Variants in CRACR2A observed in about 807,000 individuals in gnomAD.
CRACR2A encodes EF-hand calcium-binding domain-containing protein 4B.
CRACR2A carries 79 observed loss-of-function variants against 90.5 expected under a neutral mutation model. The observed-to-expected ratio is 0.87, with a 90% CI of 0.73 to 1.05. CRACR2A has a LOEUF of 1.05. CRACR2A is among the 50% of genes least tolerant of loss of function. CRACR2A has a pLI of 0.00. For missense variants in CRACR2A, 823 were observed against 897.2 expected (o/e 0.92, Z 1.06); for synonymous variants, 338 against 356.7 (o/e 0.95, Z 0.59).
Position 3,639,704 on chromosome 12 carries a change from G to A in CRACR2A, c.1272-1250C>T, listed in dbSNP as rs142864754. On this transcript the variant is annotated intron_variant, in intron 13 of 19. Coordinates refer to ENST00000440314, the MANE Select transcript of CRACR2A (RefSeq NM_001144958.2). ...GTATCACCATCCTGAAATTAACTGC[G>A]ATTCTGCAAGATAAATTACGATATA... Among the ~76,000 whole-genome samples the A allele has an allele frequency of 3.9e-3, 592 of 152,226 alleles. 5 individuals carry two copies. The highest frequency in any genetic ancestry group is 0.013 in the African/African-American group (541 of 41,546).
chr12:3,724,201 G>A (rs1295487790), intron 2 of CRACR2A, among the ~76,000 whole-genome samples: 1 of 152,144 alleles, frequency 6.6e-6, no homozygotes, highest in African/African-American at 2.4e-5. Context: ...TGAGCTCTCT[G>A]CTCCCAGAGT....
chr12:3,741,232 T>G (rs1946521010), intron 1 of CRACR2A, among the ~76,000 whole-genome samples: 2 of 152,176 alleles, frequency 1.3e-5, no homozygotes, highest in South Asian at 4.1e-4. Flanking sequence ...AGGGTCCCAG[T>G]CAGCCTGGAC....
intron 3 of CRACR2A, among the ~76,000 whole-genome samples, chr12:3,706,624 G>A (rs1224707028): frequency 3.9e-5 from 6 of 152,132 alleles, no homozygotes; most frequent in Middle Eastern, 3.2e-3. Context: ...ATTTAGAGAC[G>A]GAGTCTCACT....
intron 10 of CRACR2A, 101 bp from the exon 11 acceptor site, chr12:3,648,714 G>C: frequency 1.4e-6 from 2 of 1,477,750 alleles, no homozygotes; most frequent in Non-Finnish European, 1.8e-6. Flanking sequence ...GCTGGGGATG[G>C]AGGGCATTGG....
intron 2 of CRACR2A, among the ~76,000 whole-genome samples, chr12:3,718,806 T>A (rs1000970663): frequency 5.3e-5 from 8 of 152,190 alleles, no homozygotes; most frequent in Non-Finnish European, 8.8e-5. Flanking sequence ...AAGGCAGGTG[T>A]CTCTTTGGTT....
chr12:3,621,272 T>C (rs1944123623), intron 17 of CRACR2A, among the ~76,000 whole-genome samples: 1 of 152,056 alleles, frequency 6.6e-6, no homozygotes, highest in Non-Finnish European at 1.5e-5. Context: ...GAGGGGATGA[T>C]GGATACTGAA....
intron 4 of CRACR2A, among the ~76,000 whole-genome samples, chr12:3,689,721 A>C (rs1207677940): frequency 2.6e-5 from 4 of 151,802 alleles, no homozygotes; most frequent in African/African-American, 9.7e-5. Flanking sequence ...TGAGTTAGAG[A>C]GGAATCTCTC....
At chr12:3,688,512 T>C (rs1478278074) in intron 4 of CRACR2A, among the ~76,000 whole-genome samples, 1 of 152,186 alleles carries the variant, frequency 6.6e-6, no homozygotes, top group African/African-American at 2.4e-5. Context: ...TGTGCAGCCT[T>C]ATTTCTGGGC....
chr12:3,641,894 A>G, intron 12 of CRACR2A, 56 bp from the exon 13 acceptor site: 3 of 1,468,890 alleles, frequency 2.0e-6, no homozygotes, highest in Non-Finnish European at 2.8e-6. Flanking sequence ...ATGTTTGAAC[A>G]GAAAAGGGCT....
chr12:3,641,044 C>A (rs1210379527), intron 13 of CRACR2A, among the ~76,000 whole-genome samples: 2 of 152,136 alleles, frequency 1.3e-5, no homozygotes, highest in African/African-American at 4.8e-5. Flanking sequence ...TAGTCATGTT[C>A]CTAAAAAACC....
At chr12:3,750,971 C>G (rs1339712693) in intron 1 of CRACR2A, among the ~76,000 whole-genome samples, 1 of 152,248 alleles carries the variant, frequency 6.6e-6, no homozygotes, top group East Asian at 1.9e-4. Flanking sequence ...GCATCACCAG[C>G]CACTCTAACT....
At chr12:3,653,260 C>T (rs1378082909) in intron 10 of CRACR2A, among the ~76,000 whole-genome samples, 2 of 152,172 alleles carry the variant, frequency 1.3e-5, no homozygotes, top group East Asian at 1.9e-4. Context: ...GGATTACAGG[C>T]GTGAGCCACC....
At chr12:3,682,337 C>T (rs559821598) in intron 4 of CRACR2A, among the ~76,000 whole-genome samples, 1 of 152,290 alleles carries the variant, frequency 6.6e-6, no homozygotes, top group South Asian at 2.1e-4. Context: ...AAACACCCCA[C>T]ACACTTTTCT....
intron 10 of CRACR2A, among the ~76,000 whole-genome samples, chr12:3,653,373 A>C (rs74340065): frequency 0.049 from 7,526 of 152,314 alleles, 290 homozygotes; most frequent in African/African-American, 0.11. Flanking sequence ...CACAAAATAA[A>C]TGTTTGCCAA....
intron 1 of CRACR2A, among the ~76,000 whole-genome samples, chr12:3,745,821 A>AAAATAAAAT (rs1565511448): frequency 1.1e-4 from 1 of 8,944 alleles, no homozygotes; most frequent in Admixed American, 1.6e-3. Context: ...AAAATAAAAT[A>AAAATAAAAT]AAATAAAGAA....
chr12:3,676,536 A>T (rs577454944), intron 6 of CRACR2A, among the ~76,000 whole-genome samples: 2 of 151,810 alleles, frequency 1.3e-5, no homozygotes, highest in East Asian at 3.9e-4. Context: ...AGCCCTCACG[A>T]ATGGCACTAG....
At chr12:3,750,612 G>A (rs1946689394) in intron 1 of CRACR2A, among the ~76,000 whole-genome samples, 1 of 152,176 alleles carries the variant, frequency 6.6e-6, no homozygotes, top group African/African-American at 2.4e-5. Flanking sequence ...AGGTATCATG[G>A]CAAGTGCCTG....
chr12:3,747,405 G>A (rs1391023224), intron 1 of CRACR2A, among the ~76,000 whole-genome samples: 1 of 152,168 alleles, frequency 6.6e-6, no homozygotes, highest in Non-Finnish European at 1.5e-5. Flanking sequence ...TCCGTCTTTG[G>A]TCAAGGTGGG....
intron 10 of CRACR2A, among the ~76,000 whole-genome samples, chr12:3,650,113 C>T (rs1333387075): frequency 6.6e-6 from 1 of 152,150 alleles, no homozygotes; most frequent in Non-Finnish European, 1.5e-5. Context: ...ATGTAGGGAG[C>T]ATCTCGCAAG....
Sources: gnomAD v4.1 joint callset for allele counts (sites outside exome capture counted in the v4.1 genomes callset) on GRCh38, gnomAD v4.1.1 for gene constraint, MANE v1.5 for transcripts, NCBI Gene and HGNC (gene_info 2026-07-23, HGNC 2026-07-21) for gene names.